Variants in TXNDC16 observed in about 807,000 individuals in gnomAD.
TXNDC16 encodes thioredoxin domain-containing protein 16.
Under a neutral mutation model 85.6 loss-of-function variants are expected in TXNDC16, and 74 were observed. The observed-to-expected ratio is 0.86, with a 90% CI of 0.72 to 1.05. The LOEUF (loss-of-function observed/expected upper bound fraction) is 1.05. Ranked by LOEUF, TXNDC16 falls within the 50% of genes least tolerant of loss-of-function variation. The probability of loss-of-function intolerance (pLI) is 0.00; values close to 1 mark genes in which losing one functional copy is unlikely to be tolerated. For missense variants in TXNDC16, 959 were observed against 947.0 expected (o/e 1.01, Z -0.17); for synonymous variants, 335 against 326.5 (o/e 1.03, Z -0.28).
At chr14:52,542,340 TA>T in intron 4 of TXNDC16, 30 bp downstream of exon 4, 1 of 1,444,266 alleles carries the variant, frequency 6.9e-7, no homozygotes, top group Non-Finnish European at 9.6e-7. Context: ...TGTTCGTCAC[TA>T]ATATTTTAGT....
At chr14:52,461,314 A>C (rs2035647029) in intron 16 of TXNDC16, among the ~76,000 whole-genome samples, 1 of 151,960 alleles carries the variant, frequency 6.6e-6, no homozygotes, top group South Asian at 2.1e-4. Context: ...AATCATTTAT[A>C]ATTTTTAGAT....
At chr14:52,526,235 C>A (rs2037332348) in intron 6 of TXNDC16, among the ~76,000 whole-genome samples, 1 of 152,070 alleles carries the variant, frequency 6.6e-6, no homozygotes, top group African/African-American at 2.4e-5. Context: ...AATCCAAATT[C>A]TCATTTTTAA....
At chr14:52,467,675 G>A (rs952471383) in intron 16 of TXNDC16, among the ~76,000 whole-genome samples, 2 of 152,154 alleles carry the variant, frequency 1.3e-5, no homozygotes, top group South Asian at 2.1e-4. Flanking sequence ...CAGCCAGGGC[G>A]GAAAATAGTA....
Position 52,466,748 on chromosome 14 carries a change from T to A in TXNDC16, c.1618+3289A>T, listed in dbSNP as rs1220005197. 2.0e-5 allele frequency among the ~76,000 whole-genome samples: 3 copies of A among 151,784 alleles called. No individual in the cohort carries two copies. The South Asian group carries it at 6.2e-4, about 32-fold the overall frequency. ...GGGGCATGGTGGCAGGCTCCTGTAGTCCCAGCTACTCGGGAGGCTGAGGCA... is the reference window on the plus strand; with the variant it reads ...GGGGCATGGTGGCAGGCTCCTGTAGACCCAGCTACTCGGGAGGCTGAGGCA... On this transcript the variant is annotated intron_variant, in intron 16 of 20. Transcript: ENST00000281741.
intron 8 of TXNDC16, 92 bp downstream of exon 8, chr14:52,514,788 G>C: frequency 1.1e-6 from 1 of 891,360 alleles, no homozygotes; most frequent in South Asian, 1.7e-5. Flanking sequence ...AGCCCATGCT[G>C]TGGGAGCATA....
chr14:52,518,482 C>T (rs2037136237), intron 7 of TXNDC16, among the ~76,000 whole-genome samples: 1 of 152,198 alleles, frequency 6.6e-6, no homozygotes, highest in Non-Finnish European at 1.5e-5. Context: ...AACCTTGTCT[C>T]CACTATTTCT....
chr14:52,529,589 CTATTATATA>C (rs1380997038), intron 6 of TXNDC16, among the ~76,000 whole-genome samples: 2 of 87,612 alleles, frequency 2.3e-5, no homozygotes, highest in Non-Finnish European at 4.0e-5. Flanking sequence ...TATATAATGC[CTATTATATA>C]TATTATATAT....
intron 11 of TXNDC16, among the ~76,000 whole-genome samples, chr14:52,488,886 C>G (rs2036339352): frequency 1.4e-5 from 2 of 144,268 alleles, no homozygotes; most frequent in African/African-American, 2.6e-5. Context: ...TAAAACTAAG[C>G]CTTTGAACTT....
At chr14:52,483,308 A>C (rs146479466) in intron 12 of TXNDC16, among the ~76,000 whole-genome samples, 3 of 152,318 alleles carry the variant, frequency 2.0e-5, no homozygotes, top group African/African-American at 7.2e-5. Context: ...CATAGTCCTG[A>C]CCACATGGAA....
chr14:52,474,579 A>C (rs2035978481), intron 14 of TXNDC16, among the ~76,000 whole-genome samples: 1 of 152,118 alleles, frequency 6.6e-6, no homozygotes, highest in Admixed American at 6.6e-5. Flanking sequence ...AAAATACAAA[A>C]ACTAGCCAAG....
At position 52,536,819 on chromosome 14, in the gene TXNDC16, A is replaced by T. The variant is rs1433913215; in HGVS notation, c.318-26T>A. The T allele has an allele frequency of 3.9e-6, 6 of 1,527,698 alleles. No homozygotes were observed. The East Asian group carries it at 1.5e-4, about 37-fold the overall frequency. The allele number at this position is 1,527,698 out of a possible 1,614,324, so 94.6% of individuals were successfully genotyped here. ...CTATAAAAAGTTTAAAAACATATTA[A>T]TATTGAAAAATACAAAAAATATTTC... On this transcript the variant is annotated intron_variant, in intron 5 of 20. Transcript: ENST00000281741.
intron 9 of TXNDC16, among the ~76,000 whole-genome samples, chr14:52,491,369 T>A (rs1277815094): frequency 8.5e-4 from 94 of 110,914 alleles, no homozygotes; most frequent in Non-Finnish European, 1.4e-3. Context: ...TTTTTTTTTT[T>A]AAATTTTTTG....
chr14:52,507,200 G>A (rs1366600153), intron 9 of TXNDC16, among the ~76,000 whole-genome samples: 6 of 151,906 alleles, frequency 3.9e-5, no homozygotes, highest in East Asian at 3.9e-4. Flanking sequence ...TAAGCTGATA[G>A]GCAACTTCAG....
intron 18 of TXNDC16, among the ~76,000 whole-genome samples, chr14:52,454,740 C>T (rs1318576748): frequency 1.3e-5 from 2 of 151,322 alleles, no homozygotes; most frequent in African/African-American, 2.4e-5. Context: ...TGCTTGAACC[C>T]GGGAGGCGGA....
intron 6 of TXNDC16, among the ~76,000 whole-genome samples, chr14:52,536,366 C>T (rs922389428): frequency 5.3e-5 from 8 of 152,128 alleles, no homozygotes; most frequent in African/African-American, 9.7e-5. Flanking sequence ...TTATAAGCTA[C>T]CCAGTTTCAT....
At chr14:52,441,347 G>A (rs1381162256) in intron 18 of TXNDC16, among the ~76,000 whole-genome samples, 1 of 152,094 alleles carries the variant, frequency 6.6e-6, no homozygotes, top group African/African-American at 2.4e-5. Flanking sequence ...GATGGCTCAC[G>A]CCTGTAATCC....
intron 9 of TXNDC16, among the ~76,000 whole-genome samples, chr14:52,497,880 C>CAA (rs36007755): frequency 0.072 from 6,871 of 95,390 alleles, 523 homozygotes; most frequent in African/African-American, 0.21. Flanking sequence ...GACTCTGTCT[C>CAA]AAAAAAAAAA....
chr14:52,465,743 C>T (rs2035759161), intron 16 of TXNDC16, among the ~76,000 whole-genome samples: 1 of 152,022 alleles, frequency 6.6e-6, no homozygotes, highest in Non-Finnish European at 1.5e-5. Context: ...AGACACATTC[C>T]TGTGAAGCAA....
intron 17 of TXNDC16, 133 bp from the exon 18 acceptor site, chr14:52,455,595 T>C: frequency 2.1e-6 from 2 of 933,748 alleles, no homozygotes; most frequent in South Asian, 3.4e-5. Context: ...ATGAACTCCA[T>C]TTCCAGGCAA....
Sources: gnomAD v4.1 joint callset for allele counts (sites outside exome capture counted in the v4.1 genomes callset) on GRCh38, gnomAD v4.1.1 for gene constraint, MANE v1.5 for transcripts, NCBI Gene and HGNC (gene_info 2026-07-23, HGNC 2026-07-21) for gene names.